Variants in PSMB5 observed in about 807,000 individuals in gnomAD.
The protein encoded by PSMB5 is proteasome 20S subunit beta 5.
A neutral mutation model predicts 22.8 loss-of-function variants in PSMB5; 2 were observed. The observed-to-expected ratio is 0.09, with a 90% CI of 0.04 to 0.28. The LOEUF (loss-of-function observed/expected upper bound fraction) is 0.28. Among genes scored for constraint, PSMB5 ranks in the 10% least tolerant of loss-of-function variants. PSMB5 has a pLI of 1.00. For synonymous variants in PSMB5, 133 were observed against 135.3 expected, an observed-to-expected ratio of 0.98 and a Z score of 0.12; for missense variants, 269 against 343.8, an observed-to-expected ratio of 0.78 and a Z score of 1.72.
At chr14:23,029,410 T>C (rs71413966) in intron 2 of PSMB5, among the ~76,000 whole-genome samples, 1 of 152,166 alleles carries the variant, frequency 6.6e-6, no homozygotes, top group Admixed American at 6.6e-5. Context: ...CCTTTCTTTG[T>C]TATGTTCCCT....
chr14:23,032,747 T>C (rs1351920164), intron 2 of PSMB5, among the ~76,000 whole-genome samples: 16 of 138,812 alleles, frequency 1.2e-4, no homozygotes, highest in East Asian at 1.1e-3. Flanking sequence ...TACAGGCGCC[T>C]GCCACCACGC....
At chr14:23,029,030 C>T (rs1428367487) in intron 2 of PSMB5, among the ~76,000 whole-genome samples, 1 of 152,206 alleles carries the variant, frequency 6.6e-6, no homozygotes, top group Non-Finnish European at 1.5e-5. Flanking sequence ...TCTCACTGTG[C>T]ACTAGAGTCA....
In PSMB5 at chr14:23,033,395, T is replaced by A; in HGVS notation, c.478A>T (p.Ile160Phe). ...KGMGLSMGTM[I>F]CGWDKRGPGL... ...GGGCCTCTCTTATCCCAGCCACAGATCATGGTGCCCATGGACAGCCCCATG... is the reference window on the plus strand; with the variant it reads ...GGGCCTCTCTTATCCCAGCCACAGAACATGGTGCCCATGGACAGCCCCATG... The change falls in exon 2 of 3, where the codon ATC becomes TTC. Residue 160 changes from isoleucine (I) to phenylalanine (F), a missense_variant. Ile to Phe is a conservative substitution (Grantham distance 21). Around this residue, in one of 3 missense-constraint regions of PSMB5, gnomAD observed 75 missense variants for 143.2 expected, o/e 0.52. Coordinates refer to ENST00000361611, the MANE Select transcript of PSMB5 (RefSeq NM_002797.5). 1.2e-6 allele frequency: 2 copies of A among 1,611,646 alleles called. No homozygotes were observed. Among genetic ancestry groups the A allele is most frequent in the East Asian group, 4.5e-5 (2 of 44,790 alleles).
chr14:23,028,308 G>C (rs1429139802), intron 2 of PSMB5, among the ~76,000 whole-genome samples: 1 of 152,150 alleles, frequency 6.6e-6, no homozygotes, highest in Non-Finnish European at 1.5e-5. Context: ...AACTCAAAGA[G>C]TTTAGACTAT....
intron 2 of PSMB5, among the ~76,000 whole-genome samples, chr14:23,026,752 CAGT>C (rs1194987989): frequency 3.3e-5 from 5 of 150,442 alleles, no homozygotes; most frequent in African/African-American, 7.3e-5. Context: ...GCCCGGCCAG[CAGT>C]AGTTCTCTTA....
intron 2 of PSMB5, among the ~76,000 whole-genome samples, chr14:23,030,603 C>A (rs2046945826): frequency 6.6e-6 from 1 of 152,200 alleles, no homozygotes. Context: ...TCTATGCACA[C>A]TCAAGTCCCA....
At chr14:23,034,261 A>T (rs1370626156) in intron 1 of PSMB5, among the ~76,000 whole-genome samples, 1 of 152,126 alleles carries the variant, frequency 6.6e-6, no homozygotes, top group East Asian at 1.9e-4. Context: ...TACAATGCTT[A>T]CCCTCACCAC....
chr14:23,029,102 G>A (rs1281077100), intron 2 of PSMB5, among the ~76,000 whole-genome samples: 6 of 152,208 alleles, frequency 3.9e-5, no homozygotes, highest in Non-Finnish European at 8.8e-5. Flanking sequence ...TATAACTGGT[G>A]TGGGGTGGGA....
intron 2 of PSMB5, 144 bp from the exon 3 acceptor site, chr14:23,026,519 G>A (rs758392344): frequency 1.7e-6 from 2 of 1,164,102 alleles, no homozygotes; most frequent in South Asian, 1.6e-5. Flanking sequence ...GCGCAATCTC[G>A]GCTCACCACA....
intron 2 of PSMB5, among the ~76,000 whole-genome samples, 176 bp from the exon 3 acceptor site, chr14:23,026,551 G>A (rs1176141960): frequency 6.6e-6 from 1 of 151,894 alleles, no homozygotes; most frequent in Admixed American, 6.6e-5. Flanking sequence ...CTGGGTTAAA[G>A]TGATTCTCCT....
In PSMB5 at chr14:23,026,170, G is replaced by A. The variant is rs377390691; in HGVS notation, c.711C>T (p.His237=). The A allele has an allele frequency of 2.5e-6, 4 of 1,614,166 alleles. No homozygotes were observed. The highest frequency in any genetic ancestry group is 2.2e-5 in the South Asian group (2 of 91,084). The change falls in exon 3 of 3, where the codon CAC becomes CAT. Residue 237 remains histidine, a synonymous_variant. Transcript: ENST00000361611. Reference sequence around the variant, plus strand: ...CTCGGATCCAGCCATCCTCCCGCACGTGGTAGAGGTTGACTGCACCTCCTG... The same window carrying A: ...CTCGGATCCAGCCATCCTCCCGCACATGGTAGAGGTTGACTGCACCTCCTG... The part of the protein sequence containing the change: ...AYSGGAVNLY[H]VREDGWIRVS...
At chr14:23,027,012 G>T (rs1387449053) in intron 2 of PSMB5, among the ~76,000 whole-genome samples, 1 of 151,448 alleles carries the variant, frequency 6.6e-6, no homozygotes, top group African/African-American at 2.4e-5. Flanking sequence ...AACCTGGGAG[G>T]CAAAGGTTGC....
intron 2 of PSMB5, 49 bp downstream of exon 2, chr14:23,033,319 C>T (rs200282720): frequency 1.5e-5 from 24 of 1,568,270 alleles, no homozygotes; most frequent in Non-Finnish European, 2.0e-5. Context: ...TCCAACCCCT[C>T]CTCACTGTAG....
At chr14:23,035,062 G>A (rs1454112933), upstream of PSMB5, 2 of 1,269,234 alleles carry the variant, frequency 1.6e-6, no homozygotes, top group Non-Finnish European at 2.1e-6. Flanking sequence ...CACTGAAGGG[G>A]GTCGGGGAAA....
At chr14:23,033,279 T>C in intron 2 of PSMB5, 89 bp downstream of exon 2, 1 of 1,364,130 alleles carries the variant, frequency 7.3e-7, no homozygotes, top group Non-Finnish European at 1.0e-6. Context: ...TCTTCAGCAT[T>C]GACACCAAGC....
At chr14:23,031,757 G>T (rs1314871368) in intron 2 of PSMB5, among the ~76,000 whole-genome samples, 1 of 152,168 alleles carries the variant, frequency 6.6e-6, no homozygotes, top group Non-Finnish European at 1.5e-5. Context: ...GACCTAGCAT[G>T]ATTGTAAGGG....
chr14:23,033,793 C>A, intron 1 of PSMB5, 119 bp from the exon 2 acceptor site: 4 of 857,386 alleles, frequency 4.7e-6, no homozygotes, highest in Non-Finnish European at 5.3e-6. Context: ...TTTTATACTT[C>A]ACAGTATACT....
chr14:23,033,147 G>A (rs563488117), intron 2 of PSMB5, among the ~76,000 whole-genome samples: 22 of 151,392 alleles, frequency 1.5e-4, no homozygotes, highest in Admixed American at 7.2e-4. Flanking sequence ...ACCTGGGGGC[G>A]GAGGCTGCAG....
At chr14:23,034,601 C>G (rs1166725393) in intron 1 of PSMB5, 83 bp downstream of exon 1, 1 of 1,522,016 alleles carries the variant, frequency 6.6e-7, no homozygotes, top group Non-Finnish European at 8.9e-7. Context: ...TGGCCAAGGC[C>G]ACCGCAAACT....
Sources: allele counts gnomAD v4.1 joint callset (sites outside exome capture counted in the v4.1 genomes callset), GRCh38; gene constraint gnomAD v4.1.1; regional missense constraint gnomAD v4.1.1; transcripts MANE v1.5; gene names NCBI Gene and HGNC (gene_info 2026-07-23, HGNC 2026-07-21).